PKHD1L1: variants seen among roughly 807,000 people sequenced by gnomAD.
PKHD1L1 encodes the protein PKHD1 like 1.
In PKHD1L1, 434 loss-of-function variants were observed where a neutral mutation model predicts 462.9. The ratio of observed to expected loss-of-function variants is 0.94; its 90% confidence interval spans 0.87 to 1.02. The LOEUF (loss-of-function observed/expected upper bound fraction) is 1.02, where lower values mean the gene tolerates loss of function less well. Among genes scored for constraint, PKHD1L1 ranks in the 50% least tolerant of loss-of-function variants. The probability of loss-of-function intolerance (pLI) is 0.00; values close to 1 mark genes in which losing one functional copy is unlikely to be tolerated. For synonymous variants in PKHD1L1, 1,781 were observed against 1,750.0 expected (o/e 1.02, Z -0.44); for missense variants, 5,202 against 5,096.1 (o/e 1.02, Z -0.63).
chr8:109,477,981 T>G (rs1218342761), intron 53 of PKHD1L1, among the ~76,000 whole-genome samples: 1 of 152,184 alleles, frequency 6.6e-6, no homozygotes, highest in Non-Finnish European at 1.5e-5. Flanking sequence ...TTACTGGACA[T>G]GATGGTACTA....
In PKHD1L1 at chr8:109,420,538, C is replaced by T. The variant is rs1396399750; in HGVS notation, c.2545C>T (p.Pro849Ser). The T allele has an allele frequency of 6.3e-7, 1 of 1,594,320 alleles. No homozygotes were observed. The highest frequency in any genetic ancestry group is 1.8e-5 in the Admixed American group (1 of 56,164). The change falls in exon 23 of 78, where the codon CCT becomes TCT. Residue 849 changes from proline to serine, a missense_variant. By Grantham distance (74) the Pro-to-Ser change is moderately conservative (BLOSUM62 -1). This residue lies in a region of PKHD1L1 where 4,497 missense variants were observed against 4,336.8 expected (regional missense o/e 1.04). Coordinates refer to ENST00000378402, the MANE Select transcript of PKHD1L1 (RefSeq NM_177531.6). ...TTTAGAAATGCCCAAGAGAAGACTT[C>T]CTGCATTAGCAAATAAAGGAATATT... is the stretch of plus-strand genomic sequence containing the variant. The part of the protein sequence containing the change: ...TLDEMPKRRL[P>S]ALANKGIFLE...
chr8:109,494,429 C>T (rs2607627), intron 63 of PKHD1L1, among the ~76,000 whole-genome samples: 68,216 of 151,652 alleles, frequency 0.45, 16,101 homozygotes, highest in African/African-American at 0.58. Context: ...AGAAAATTAT[C>T]TATGAACAAG....
chr8:109,496,789 A>G (rs1819110144), intron 63 of PKHD1L1, 130 bp from the exon 64 acceptor site: 1 of 984,412 alleles, frequency 1.0e-6, no homozygotes, highest in East Asian at 2.5e-5. Context: ...ATTTGATCAT[A>G]TTAAACCTGA....
At chr8:109,380,158 T>C (rs1012268873) in intron 2 of PKHD1L1, among the ~76,000 whole-genome samples, 1 of 152,174 alleles carries the variant, frequency 6.6e-6, no homozygotes, top group Non-Finnish European at 1.5e-5. Context: ...TAGTATAGCC[T>C]GTAGCTTGTC....
chr8:109,498,502 C>T lies in PKHD1L1; in HGVS notation c.10640C>T (p.Ser3547Phe), dbSNP rs1206592871. ...GGAAGTAGCCCTGGGTTTAATTGCT[C>T]TGATGTCCTAACTAATGATGATCCT... ...IVGSSPGFNC[S>F]DVLTNDDPNI... Residue 3547 changes from serine to phenylalanine, a missense_variant, in exon 66 of 78, where the codon TCT (serine) becomes TTT (phenylalanine). Physicochemically the swap from Ser to Phe is radical, Grantham distance 155 (BLOSUM62 -2). This residue lies in a region of PKHD1L1 where 4,497 missense variants were observed against 4,336.8 expected (regional missense o/e 1.04). Coordinates refer to ENST00000378402, the MANE Select transcript of PKHD1L1 (RefSeq NM_177531.6). 23 of 1,613,646 alleles carry T rather than the reference C, an allele frequency of 1.4e-5. No individual in the cohort carries two copies. In the Middle Eastern group the frequency reaches 5.0e-4, roughly 35 times the overall value.
chr8:109,364,389 T>C (rs191746883), intron 1 of PKHD1L1, among the ~76,000 whole-genome samples, 158 bp from the exon 2 acceptor site: 1 of 152,270 alleles, frequency 6.6e-6, no homozygotes, highest in Non-Finnish European at 1.5e-5. Context: ...TGTCAAGTCA[T>C]TGGCAGAGCC....
At position 109,510,832 on chromosome 8, in the gene PKHD1L1, GT is replaced by G. The variant is rs1173511159; in HGVS notation, c.11454del (p.His3819ThrfsTer6). On this transcript the variant is annotated frameshift_variant, in exon 71 of 78. Coordinates refer to ENST00000378402, the MANE Select transcript of PKHD1L1 (RefSeq NM_177531.6). LOFTEE classifies it high-confidence loss of function. ...ATACATGCCAGAGAAGGCTGTCCCT[GT>G]TTCACAGCATTGTGGCTCTGAACAA... ...GYTCQRRLSL[F>X]HSIVALNKSY... 1 of 1,613,210 alleles carries G rather than the reference GT, an allele frequency of 6.2e-7. No individual in the cohort carries two copies. Among genetic ancestry groups the G allele is most frequent in the Non-Finnish European group, 8.5e-7 (1 of 1,179,492 alleles).
chr8:109,438,772 CA>C, intron 31 of PKHD1L1, 124 bp from the exon 32 acceptor site: 1 of 821,056 alleles, frequency 1.2e-6, no homozygotes, highest in Non-Finnish European at 1.8e-6. Context: ...TTTTGCCTCT[CA>C]AAGTGTTAGG....
chr8:109,454,973 A>C, intron 45 of PKHD1L1, 121 bp downstream of exon 45: 18 of 1,252,446 alleles, frequency 1.4e-5, no homozygotes, highest in South Asian at 1.9e-5. Context: ...TAGGCTTCTC[A>C]TGTCTTTAGA....
Position 109,530,081 on chromosome 8 carries a change from A to G in PKHD1L1, c.12723A>G (p.Arg4241=). 1 of 1,359,078 alleles carries G rather than the reference A, an allele frequency of 7.4e-7. No individual in the cohort carries two copies. The highest frequency in any genetic ancestry group is 9.7e-7 in the Non-Finnish European group (1 of 1,033,920). The allele number at this position is 1,359,078 out of a possible 1,614,324, so 84.2% of individuals were successfully genotyped here. ...AAVSTLNITL[R]SY is the part of the protein sequence containing the mutation. ...TTTTGTATTGTTTCCATTTTTCAGG[A>G]AGCTACTAAAGTGCTGTTCCGAAGA... Residue 4241 remains arginine, a splice_region_variant and synonymous_variant, in exon 78 of 78, where the codon AGA becomes AGG. Coordinates refer to ENST00000378402, the MANE Select transcript of PKHD1L1 (RefSeq NM_177531.6).
At chr8:109,386,572 A>G (rs1366514285) in intron 6 of PKHD1L1, among the ~76,000 whole-genome samples, 1 of 152,196 alleles carries the variant, frequency 6.6e-6, no homozygotes, top group Non-Finnish European at 1.5e-5. Flanking sequence ...ATAGAATAGA[A>G]CCTTTAATTA....
chr8:109,456,697 G>T (rs750835225), intron 46 of PKHD1L1, among the ~76,000 whole-genome samples: 14 of 152,146 alleles, frequency 9.2e-5, no homozygotes, highest in Non-Finnish European at 2.1e-4. Context: ...TTGGAAAAAA[G>T]AAGTGTTTGA....
chr8:109,481,315 T>C (rs1818259522), intron 55 of PKHD1L1, 118 bp from the exon 56 acceptor site: 2 of 907,306 alleles, frequency 2.2e-6, no homozygotes, highest in South Asian at 2.1e-5. Flanking sequence ...CTGTTCTTTA[T>C]ATAACAAAAC....
At chr8:109,436,159 G>T (rs1248534486) in intron 29 of PKHD1L1, among the ~76,000 whole-genome samples, 179 bp from the exon 30 acceptor site, 1 of 152,200 alleles carries the variant, frequency 6.6e-6, no homozygotes, top group Admixed American at 6.5e-5. Flanking sequence ...AAGCACCCAG[G>T]CTCAGGTGTG....
intron 31 of PKHD1L1, 129 bp downstream of exon 31, chr8:109,438,585 G>A (rs1055861736): frequency 1.3e-6 from 1 of 785,604 alleles, no homozygotes; most frequent in Non-Finnish European, 1.9e-6. Context: ...TGTTATGTGT[G>A]TGTATGTTTT....
intron 23 of PKHD1L1, 148 bp downstream of exon 23, chr8:109,420,838 T>G: frequency 1.7e-6 from 1 of 598,502 alleles, no homozygotes; most frequent in Non-Finnish European, 2.5e-6. Context: ...GAAAATTGAC[T>G]TTAAGTATTA....
chr8:109,447,540 C>T (rs1209290470), intron 38 of PKHD1L1, among the ~76,000 whole-genome samples: 1 of 152,130 alleles, frequency 6.6e-6, no homozygotes. Context: ...AGAGAACAGC[C>T]AGAATCTAAT....
Position 109,522,819 on chromosome 8 carries a change from A to AGCACAGCCTGCCACCTGG in PKHD1L1, c.12259_12260insGCACAGCCTGCCACCTGG (p.Thr4087delinsSerThrAlaCysHisLeuAla), listed in dbSNP as rs1355022740. ...CTTCGTGTCCTCACTCTTAGTGATC[A>AGCACAGCCTGCCACCTGG]CTCAGCCGGTGGCAGCACAGCCAGG... On this transcript the variant is annotated protein_altering_variant, in exon 75 of 78. Coordinates refer to ENST00000378402, the MANE Select transcript of PKHD1L1 (RefSeq NM_177531.6). 4.3e-6 allele frequency: 7 copies of AGCACAGCCTGCCACCTGG among 1,612,098 alleles called. No homozygotes were observed. The South Asian group carries it at 7.7e-5, about 18-fold the overall frequency.
At chr8:109,416,401 G>T (rs911462316) in intron 21 of PKHD1L1, among the ~76,000 whole-genome samples, 32 of 152,198 alleles carry the variant, frequency 2.1e-4, no homozygotes, top group African/African-American at 7.5e-4. Context: ...TATACATGCT[G>T]TGGATGGTGT....
Sources: allele counts gnomAD v4.1 joint callset (sites outside exome capture counted in the v4.1 genomes callset), GRCh38; gene constraint gnomAD v4.1.1; regional missense constraint gnomAD v4.1.1; transcripts MANE v1.5; gene names NCBI Gene and HGNC (gene_info 2026-07-23, HGNC 2026-07-21).